The following ARK2C variants were observed in gnomAD, a reference collection of about 807,000 sequenced individuals.
The protein encoded by ARK2C is E3 ubiquitin-protein ligase ARK2C.
the ARK2C span, chr18:46,450,682 G>A: frequency 8.8e-6 from 14 of 1,592,330 alleles, no homozygotes; most frequent in Non-Finnish European, 1.2e-5. Context: ...GAGCACACAT[G>A]TGCACATTTT....
chr18:46,345,230 C>G, the ARK2C span, among the ~76,000 whole-genome samples: 1 of 152,166 alleles, frequency 6.6e-6, no homozygotes, highest in Non-Finnish European at 1.5e-5. Context: ...CCTCTTCCTG[C>G]CAGGAGGAAA....
At chr18:46,391,146 G>T in the ARK2C span, among the ~76,000 whole-genome samples, 17,872 of 152,218 alleles carry the variant, frequency 0.12, 1,181 homozygotes, top group Non-Finnish European at 0.15. Flanking sequence ...TCCATAAACA[G>T]GGTTCGCCAC....
At chr18:46,373,926 G>T in the ARK2C span, among the ~76,000 whole-genome samples, 2 of 151,800 alleles carry the variant, frequency 1.3e-5, no homozygotes, top group African/African-American at 4.8e-5. Context: ...TTTCCCAGAA[G>T]CAGATGGACA....
At chr18:46,403,825 C>T in the ARK2C span, among the ~76,000 whole-genome samples, 1 of 152,124 alleles carries the variant, frequency 6.6e-6, no homozygotes, top group Non-Finnish European at 1.5e-5. Flanking sequence ...TTGCAGTGAG[C>T]TGAGATCACA....
the ARK2C span, among the ~76,000 whole-genome samples, chr18:46,454,409 C>G: frequency 6.6e-6 from 1 of 152,176 alleles, no homozygotes; most frequent in South Asian, 2.1e-4. Flanking sequence ...TCTATTCATA[C>G]TCTAAAGCCA....
the ARK2C span, among the ~76,000 whole-genome samples, chr18:46,396,825 C>G: frequency 2.4e-4 from 37 of 152,306 alleles, no homozygotes; most frequent in African/African-American, 8.7e-4. Context: ...CGTGGTGGGG[C>G]CCTGTCTCTG....
chr18:46,456,864 A>G, the ARK2C span: 1 of 524,524 alleles, frequency 1.9e-6, no homozygotes, highest in Non-Finnish European at 3.5e-6. Flanking sequence ...GCTGAGCAGG[A>G]GAGAGGGAGC....
At chr18:46,459,264 C>T in the ARK2C span, 3 of 152,226 alleles carry the variant, frequency 2.0e-5, no homozygotes, top group African/African-American at 7.2e-5. Flanking sequence ...GTGGGCAACA[C>T]TAGAAACTTC....
the ARK2C span, among the ~76,000 whole-genome samples, chr18:46,413,041 C>T: frequency 6.6e-6 from 1 of 152,062 alleles, no homozygotes; most frequent in Non-Finnish European, 1.5e-5. Context: ...GGAGTCTTCC[C>T]GCCTTAGCCG....
At chr18:46,346,234 T>A in the ARK2C span, among the ~76,000 whole-genome samples, 3 of 151,954 alleles carry the variant, frequency 2.0e-5, no homozygotes, top group Admixed American at 2.0e-4. Flanking sequence ...ACCCCACCAG[T>A]GGGTGGGAAG....
the ARK2C span, among the ~76,000 whole-genome samples, chr18:46,368,586 A>G: frequency 6.6e-6 from 1 of 152,188 alleles, no homozygotes; most frequent in East Asian, 1.9e-4. Context: ...GAGGCAATTC[A>G]ATTCTGTTCT....
the ARK2C span, among the ~76,000 whole-genome samples, chr18:46,412,134 G>C: frequency 0.051 from 7,742 of 152,298 alleles, 748 homozygotes; most frequent in East Asian, 0.39. Context: ...GGGAATCAAA[G>C]CACAGCCCCC....
the ARK2C span, chr18:46,435,408 G>A: frequency 6.3e-7 from 1 of 1,590,670 alleles, no homozygotes; most frequent in Non-Finnish European, 8.6e-7. Context: ...TGAGTCTTCA[G>A]GGCCCCTGGG....
At chr18:46,421,502 T>TCC in the ARK2C span, among the ~76,000 whole-genome samples, 16 of 152,346 alleles carry the variant, frequency 1.1e-4, no homozygotes, top group Non-Finnish European at 1.8e-4. Flanking sequence ...TCTGACCACA[T>TCC]ATGCCTTCCA....
the ARK2C span, among the ~76,000 whole-genome samples, chr18:46,363,425 C>T: frequency 1.3e-5 from 2 of 152,246 alleles, no homozygotes; most frequent in Non-Finnish European, 2.9e-5. Flanking sequence ...GTTCTCCGGC[C>T]ATCAGGGGCA....
the ARK2C span, among the ~76,000 whole-genome samples, chr18:46,410,931 G>T: frequency 3.3e-5 from 5 of 152,194 alleles, no homozygotes; most frequent in African/African-American, 9.7e-5. Flanking sequence ...GACATCTCCT[G>T]GGCACCAGTG....
the ARK2C span, chr18:46,459,778 G>C: frequency 6.5e-6 from 1 of 153,028 alleles, no homozygotes; most frequent in Non-Finnish European, 1.5e-5. Flanking sequence ...GCAGGGTCAG[G>C]CCTCAGCATC....
At chr18:46,428,237 C>T in the ARK2C span, among the ~76,000 whole-genome samples, 4 of 152,000 alleles carry the variant, frequency 2.6e-5, no homozygotes, top group African/African-American at 9.7e-5. Context: ...GGTGAAACCC[C>T]GTCTCTACTA....
chr18:46,438,501 A>T, the ARK2C span, among the ~76,000 whole-genome samples: 327 of 152,350 alleles, frequency 2.1e-3, 1 homozygote, highest in African/African-American at 7.2e-3. Context: ...TTGCTTTGGT[A>T]GAATTCCTTG....
Sources: allele counts gnomAD v4.1 joint callset (sites outside exome capture counted in the v4.1 genomes callset), GRCh38; gene constraint gnomAD v4.1.1; transcripts MANE v1.5; gene names NCBI Gene and HGNC (gene_info 2026-07-23, HGNC 2026-07-21).